PTPRD: variants seen among roughly 807,000 people sequenced by gnomAD.
PTPRD encodes receptor-type tyrosine-protein phosphatase delta.
A neutral mutation model predicts 214.5 loss-of-function variants in PTPRD; 34 were observed. The ratio of observed to expected loss-of-function variants is 0.16; its 90% CI spans 0.12 to 0.21. The LOEUF (loss-of-function observed/expected upper bound fraction) is 0.21, where lower values mean the gene tolerates loss of function less well. Among genes scored for constraint, PTPRD ranks in the 10% least tolerant of loss-of-function variants. The probability of loss-of-function intolerance (pLI) is 1.00; values close to 1 mark genes in which losing one functional copy is unlikely to be tolerated. For missense variants in PTPRD, 2,545 were observed against 2,398.7 expected (o/e 1.06, Z -1.27); for synonymous variants, 1,128 against 845.7 (o/e 1.33, Z -5.79).
At chr9:9,872,033 A>G (rs187194755) in intron 5 of PTPRD, among the ~76,000 whole-genome samples, 1 of 152,212 alleles carries the variant, frequency 6.6e-6, no homozygotes, top group East Asian at 1.9e-4. Context: ...CTGACTTGAC[A>G]ATAGTACCAC....
intron 10 of PTPRD, among the ~76,000 whole-genome samples, chr9:9,071,718 T>C (rs1001999300): frequency 2.0e-5 from 3 of 152,170 alleles, no homozygotes; most frequent in Admixed American, 2.0e-4. Flanking sequence ...CGGCTGATAA[T>C]ACATGACCAT....
chr9:9,443,558 C>T (rs932130118), intron 8 of PTPRD, among the ~76,000 whole-genome samples: 2 of 152,198 alleles, frequency 1.3e-5, no homozygotes, highest in African/African-American at 4.8e-5. Context: ...CTTTGGCTGG[C>T]CTCTTCAAGC....
intron 2 of PTPRD, among the ~76,000 whole-genome samples, chr9:10,440,536 T>C (rs1389610366): frequency 6.6e-6 from 1 of 151,564 alleles, no homozygotes; most frequent in African/African-American, 2.4e-5. Flanking sequence ...AAAGAACTGG[T>C]GATGAGACAT....
rs1251429330 is a variant in PTPRD at position 10,271,534 on chromosome 9, C to CTTTTTTTTTTTTT, written c.-545+69428_-545+69429insAAAAAAAAAAAAA. Among the ~76,000 whole-genome samples, 2 of 86,572 alleles carry CTTTTTTTTTTTTT rather than the reference C, an allele frequency of 2.3e-5. 1 individual carries two copies. Among genetic ancestry groups the CTTTTTTTTTTTTT allele is most frequent in the Non-Finnish European group, 5.9e-5 (2 of 33,648 alleles). 56.8% of individuals were successfully genotyped at this position (86,572 alleles called of 152,430 possible). On this transcript the variant is annotated intron_variant, in intron 3 of 45. Transcript: ENST00000381196. ...CCAATACTGATAAATTCAATTGTTTCTTTTCTTTTCTTTTCTTTTTTTTTT... is the reference window on the plus strand; with the variant it reads ...CCAATACTGATAAATTCAATTGTTTCTTTTTTTTTTTTTTTTTCTTTTCTTTTCTTTTTTTTTT...
chr9:9,528,821 A>G (rs971880057), intron 8 of PTPRD, among the ~76,000 whole-genome samples: 30 of 136,860 alleles, frequency 2.2e-4, no homozygotes, highest in African/African-American at 9.7e-4. Flanking sequence ...GTACTGTGGG[A>G]AAAAAAAAAT....
chr9:8,318,850 G>GAAAA (rs1824337048), intron 45 of PTPRD, among the ~76,000 whole-genome samples: 1 of 152,006 alleles, frequency 6.6e-6, no homozygotes, highest in Non-Finnish European at 1.5e-5. Context: ...ATAGGGATGA[G>GAAAA]GAAAAGGATT....
intron 9 of PTPRD, among the ~76,000 whole-genome samples, chr9:9,273,107 T>C (rs910118012): frequency 4.0e-5 from 6 of 151,320 alleles, no homozygotes; most frequent in African/African-American, 1.5e-4. Context: ...AGATGTACAA[T>C]ATCCAACATC....
At chr9:9,203,039 C>T (rs1223995633) in intron 9 of PTPRD, among the ~76,000 whole-genome samples, 1 of 152,126 alleles carries the variant, frequency 6.6e-6, no homozygotes, top group African/African-American at 2.4e-5. Flanking sequence ...TCCCAGCTGC[C>T]TATTTGCCAT....
intron 9 of PTPRD, among the ~76,000 whole-genome samples, chr9:9,227,520 C>T (rs2099960294): frequency 6.6e-6 from 1 of 152,144 alleles, no homozygotes; most frequent in South Asian, 2.1e-4. Flanking sequence ...CTCTCTGACA[C>T]TCCTCCCTAT....
At chr9:10,128,904 T>C (rs1302653567) in intron 3 of PTPRD, among the ~76,000 whole-genome samples, 1 of 152,192 alleles carries the variant, frequency 6.6e-6, no homozygotes, top group Non-Finnish European at 1.5e-5. Context: ...TATAGTCTTA[T>C]ATATTTAAAC....
intron 8 of PTPRD, among the ~76,000 whole-genome samples, chr9:9,516,395 G>A (rs897259522): frequency 7.2e-5 from 11 of 151,964 alleles, no homozygotes; most frequent in African/African-American, 2.7e-4. Flanking sequence ...GAACTTGATC[G>A]AGAAAAGATG....
chr9:9,905,401 A>G (rs956543582), intron 5 of PTPRD, among the ~76,000 whole-genome samples: 1 of 151,992 alleles, frequency 6.6e-6, no homozygotes, highest in African/African-American at 2.4e-5. Flanking sequence ...TTCTAAATCT[A>G]AGTCTGCAAA....
intron 2 of PTPRD, among the ~76,000 whole-genome samples, chr9:10,507,716 T>G (rs1248047114): frequency 2.0e-5 from 3 of 152,160 alleles, no homozygotes; most frequent in African/African-American, 7.2e-5. Flanking sequence ...CGCTATTTAA[T>G]AAATGGTGCT....
At chr9:9,622,704 A>C (rs772903986) in intron 7 of PTPRD, among the ~76,000 whole-genome samples, 19 of 152,216 alleles carry the variant, frequency 1.2e-4, no homozygotes, top group Non-Finnish European at 8.8e-5. Context: ...TAATGTTAAA[A>C]TAACATAGAT....
intron 3 of PTPRD, among the ~76,000 whole-genome samples, chr9:10,139,524 G>A (rs2098967528): frequency 6.6e-6 from 1 of 151,530 alleles, no homozygotes; most frequent in Non-Finnish European, 1.5e-5. Context: ...GAAAAAAAAA[G>A]CTATTATAAA....
chr9:8,952,231 A>T (rs984647394), intron 11 of PTPRD, among the ~76,000 whole-genome samples: 3 of 151,968 alleles, frequency 2.0e-5, no homozygotes, highest in Admixed American at 6.6e-5. Context: ...CCTCTAATAG[A>T]TATTTGTTGA....
At chr9:8,534,396 T>A (rs577388822) in intron 14 of PTPRD, among the ~76,000 whole-genome samples, 1 of 152,026 alleles carries the variant, frequency 6.6e-6, no homozygotes, top group African/African-American at 2.4e-5. Flanking sequence ...ACCACTCAGT[T>A]TTTTTGTTGA....
At chr9:9,351,655 G>T (rs1181089708) in intron 9 of PTPRD, among the ~76,000 whole-genome samples, 1 of 152,012 alleles carries the variant, frequency 6.6e-6, no homozygotes, top group African/African-American at 2.4e-5. Context: ...GAGGAATAAA[G>T]AAGACTGAAA....
intron 3 of PTPRD, among the ~76,000 whole-genome samples, chr9:10,307,070 G>A (rs2096097610): frequency 6.6e-6 from 1 of 152,018 alleles, no homozygotes; most frequent in East Asian, 1.9e-4. Context: ...ATATTTGTTG[G>A]AAACATTTCC....
Sources: gnomAD v4.1 joint callset for allele counts (sites outside exome capture counted in the v4.1 genomes callset) on GRCh38, gnomAD v4.1.1 for gene constraint, MANE v1.5 for transcripts, NCBI Gene and HGNC (gene_info 2026-07-23, HGNC 2026-07-21) for gene names.